The following CYP2C19 variants were observed in gnomAD, a reference collection of about 807,000 sequenced individuals.
CYP2C19 encodes the protein cytochrome P450 family 2 subfamily C member 19, also known as cytochrome P450 2C19.
CYP2C19 carries 59 observed loss-of-function variants against 40.9 expected under a neutral mutation model. The observed-to-expected ratio is 1.44, with a 90% confidence interval of 1.17 to 1.79. The LOEUF (loss-of-function observed/expected upper bound fraction) is 1.79. Ranked by LOEUF, CYP2C19 falls within the 40% of genes most tolerant of loss-of-function variation. CYP2C19 has a pLI of 0.00. For synonymous variants in CYP2C19, 253 were observed against 208.7 expected (o/e 1.21, Z -1.83); for missense variants, 754 against 596.9 (o/e 1.26, Z -2.74).
chr10:94,825,468 T>C (rs1220677854), intron 6 of CYP2C19, among the ~76,000 whole-genome samples: 1 of 149,692 alleles, frequency 6.7e-6, no homozygotes, highest in Non-Finnish European at 1.5e-5. Flanking sequence ...TTGAGAAGTG[T>C]CTGTTCATGT....
At chr10:94,837,749 C>A (rs1849427239) in intron 6 of CYP2C19, among the ~76,000 whole-genome samples, 1 of 152,068 alleles carries the variant, frequency 6.6e-6, no homozygotes, top group Non-Finnish European at 1.5e-5. Flanking sequence ...GTCAAGCATA[C>A]CCGGGGTTCT....
chr10:94,848,754 G>T (rs1469671123), intron 7 of CYP2C19, among the ~76,000 whole-genome samples: 1 of 152,076 alleles, frequency 6.6e-6, no homozygotes, highest in Non-Finnish European at 1.5e-5. Flanking sequence ...TTATTTCATT[G>T]AGCAGTGGTT....
In CYP2C19 at chr10:94,853,948, A is replaced by T. The variant is rs1270840172; in HGVS notation, c.*1034A>T. Among the ~76,000 whole-genome samples the T allele has an allele frequency of 6.6e-6, 1 of 152,052 alleles. No homozygotes were observed. The highest frequency in any genetic ancestry group is 1.5e-5 in the Non-Finnish European group (1 of 68,006). On this transcript the variant is annotated 3_prime_UTR_variant, in exon 9 of 9. Coordinates refer to ENST00000371321, the MANE Select transcript of CYP2C19 (RefSeq NM_000769.4). ...TAGAATGAAGTAATGAAGTATAAAT[A>T]TATGCTTTCATATTGCTGCTCATGT...
intron 1 of CYP2C19, among the ~76,000 whole-genome samples, chr10:94,769,414 G>T (rs1040706449): frequency 6.6e-6 from 1 of 152,186 alleles, no homozygotes; most frequent in Admixed American, 6.5e-5. Flanking sequence ...AAGGCAAAGA[G>T]AAAGTGGGAG....
chr10:94,842,976 C>T lies in CYP2C19; in HGVS notation c.1101C>T (p.Pro367=), dbSNP rs763843748. ...TCGACCTCATCCCCACCAGCCTGCC[C>T]CATGCAGTGACCTGTGACGTTAAAT... The part of the protein sequence containing the change: ...RYIDLIPTSL[P]HAVTCDVKFR... Residue 367 remains proline, a synonymous_variant, in exon 7 of 9, where the codon CCC becomes CCT. Transcript: ENST00000371321. 3 of 1,614,202 alleles carry T rather than the reference C, an allele frequency of 1.9e-6. No homozygotes were observed. Among genetic ancestry groups the T allele is most frequent in the Middle Eastern group, 1.6e-4 (1 of 6,062 alleles).
At position 94,842,877 on chromosome 10, in the gene CYP2C19, C is replaced by A. The variant is rs563052490; in HGVS notation, c.1002C>A (p.Asn334Lys). 137 of 1,614,046 alleles carry A rather than the reference C, an allele frequency of 8.5e-5. No individual in the cohort carries two copies. The highest frequency in any genetic ancestry group is 1.1e-4 in the Non-Finnish European group (134 of 1,180,026). The change falls in exon 7 of 9, where the codon AAC (asparagine) becomes AAA (lysine). Residue 334 changes from asparagine to lysine, a missense_variant. Asn to Lys is a moderately conservative substitution (Grantham distance 94). Transcript: ENST00000371321. ...QEEIERVIGR[N>K]RSPCMQDRGH... ...AGATTGAACGTGTCATTGGCAGAAACCGGAGCCCCTGCATGCAGGACAGGG... is the reference window on the plus strand; with the variant it reads ...AGATTGAACGTGTCATTGGCAGAAAACGGAGCCCCTGCATGCAGGACAGGG...
intron 5 of CYP2C19, among the ~76,000 whole-genome samples, chr10:94,813,972 T>C (rs897312442): frequency 2.0e-4 from 30 of 150,122 alleles, no homozygotes; most frequent in Non-Finnish European, 8.9e-5. Context: ...AAAACTGCAG[T>C]ATTTGGGCCA....
intron 5 of CYP2C19, among the ~76,000 whole-genome samples, chr10:94,804,798 G>A (rs373219730): frequency 3.7e-4 from 56 of 152,282 alleles, no homozygotes; most frequent in Middle Eastern, 3.4e-3. Context: ...AGCTTACAAA[G>A]TTGATCTTTA....
intron 6 of CYP2C19, among the ~76,000 whole-genome samples, chr10:94,829,529 T>C (rs939480909): frequency 1.1e-4 from 16 of 152,324 alleles, no homozygotes; most frequent in African/African-American, 3.8e-4. Flanking sequence ...CACTTCTCTG[T>C]ATTGGTTATT....
chr10:94,843,122 C>T, intron 7 of CYP2C19, 98 bp downstream of exon 7: 1 of 1,445,172 alleles, frequency 6.9e-7, no homozygotes, highest in Non-Finnish European at 9.7e-7. Context: ...GAGAGAAGTG[C>T]ATTACTCCTA....
intron 5 of CYP2C19, among the ~76,000 whole-genome samples, chr10:94,815,664 T>C (rs539855483): frequency 1.3e-5 from 2 of 152,252 alleles, no homozygotes; most frequent in Non-Finnish European, 2.9e-5. Context: ...TCACTTTGTA[T>C]ATTTTTATTT....
intron 5 of CYP2C19, among the ~76,000 whole-genome samples, chr10:94,794,617 A>G (rs1379774060): frequency 2.0e-5 from 3 of 152,064 alleles, no homozygotes; most frequent in Non-Finnish European, 2.9e-5. Flanking sequence ...GAGGTCCTTC[A>G]CATCTCTTGT....
chr10:94,766,166 G>T (rs1848239863), intron 1 of CYP2C19, among the ~76,000 whole-genome samples: 1 of 152,098 alleles, frequency 6.6e-6, no homozygotes, highest in Non-Finnish European at 1.5e-5. Flanking sequence ...GGGAATGGGG[G>T]TGGCAACATA....
chr10:94,816,028 C>T (rs546983433), intron 5 of CYP2C19, among the ~76,000 whole-genome samples: 4 of 152,102 alleles, frequency 2.6e-5, no homozygotes, highest in South Asian at 4.1e-4. Flanking sequence ...TATGTCTTCT[C>T]ATTTGTGTTT....
intron 6 of CYP2C19, among the ~76,000 whole-genome samples, chr10:94,841,751 A>G (rs1204086327): frequency 6.6e-6 from 1 of 152,130 alleles, no homozygotes; most frequent in African/African-American, 2.4e-5. Context: ...TCATGGACCC[A>G]CTGGCCATTC....
intron 6 of CYP2C19, among the ~76,000 whole-genome samples, chr10:94,821,904 G>A (rs1029439653): frequency 3.9e-5 from 6 of 151,906 alleles, no homozygotes; most frequent in African/African-American, 7.3e-5. Flanking sequence ...AGTAAGCATA[G>A]TACCCAACAG....
chr10:94,831,652 A>C (rs907575940), intron 6 of CYP2C19, among the ~76,000 whole-genome samples: 2 of 152,190 alleles, frequency 1.3e-5, no homozygotes, highest in Non-Finnish European at 2.9e-5. Flanking sequence ...TCTGATGATC[A>C]GTGGTGTTGA....
intron 7 of CYP2C19, among the ~76,000 whole-genome samples, chr10:94,846,729 G>T (rs1252513363): frequency 6.6e-6 from 1 of 151,598 alleles, no homozygotes; most frequent in African/African-American, 2.4e-5. Context: ...GGGTACATGT[G>T]CACAATGTGC....
intron 7 of CYP2C19, among the ~76,000 whole-genome samples, chr10:94,845,826 G>T (rs535403058): frequency 9.3e-4 from 142 of 152,012 alleles, no homozygotes; most frequent in Admixed American, 2.2e-3. Flanking sequence ...TGAAAACTTA[G>T]TGGGTAGAAT....
Sources: gnomAD v4.1 joint callset for allele counts (sites outside exome capture counted in the v4.1 genomes callset) on GRCh38, gnomAD v4.1.1 for gene constraint, MANE v1.5 for transcripts, NCBI Gene and HGNC (gene_info 2026-07-23, HGNC 2026-07-21) for gene names.